ANKS1B: variants seen among roughly 807,000 people sequenced by gnomAD.
ANKS1B encodes ankyrin repeat and sterile alpha motif domain-containing protein 1B.
Under a neutral mutation model 148.3 loss-of-function variants are expected in ANKS1B, and 36 were observed. The observed-to-expected ratio is 0.24, with a 90% confidence interval of 0.19 to 0.32. The LOEUF (loss-of-function observed/expected upper bound fraction) is 0.32, where lower values mean the gene tolerates loss of function less well. Ranked by LOEUF, ANKS1B falls within the 10% of genes least tolerant of loss-of-function variation. The pLI, the probability that ANKS1B is intolerant of heterozygous loss-of-function variation, is 1.00. For missense variants in ANKS1B, 1,157 were observed against 1,542.6 expected (o/e 0.75, Z 4.19); for synonymous variants, 542 against 560.8 (o/e 0.97, Z 0.47).
At position 98,848,743 on chromosome 12, in the gene ANKS1B, G is replaced by GTTT. The variant is rs10695483; in HGVS notation, c.2779-16610_2779-16608dup. 1.5e-4 allele frequency among the ~76,000 whole-genome samples: 7 copies of GTTT among 48,090 alleles called. 3 individuals are homozygous for GTTT. The highest frequency in any genetic ancestry group is 1.8e-4 in the African/African-American group (2 of 11,206). 31.5% of individuals were successfully genotyped at this position (48,090 alleles called of 152,430 possible). A position where few individuals can be genotyped will look rare whatever the true frequency, so the allele number is the denominator to read the frequency against. On this transcript the variant is annotated intron_variant, in intron 17 of 26. Coordinates refer to ENST00000683438, the MANE Select transcript of ANKS1B (RefSeq NM_001352186.2). ...CTGGATTAATTTCTGTGTATGTGTGGTTTTTTTTTTTTTGAGACGGAGTCT... is the reference window on the plus strand; with the variant it reads ...CTGGATTAATTTCTGTGTATGTGTGGTTTTTTTTTTTTTTTTGAGACGGAGTCT...
At chr12:99,745,085 T>A (rs2060475173) in intron 8 of ANKS1B, among the ~76,000 whole-genome samples, 1 of 149,924 alleles carries the variant, frequency 6.7e-6, no homozygotes, top group African/African-American at 2.5e-5. Flanking sequence ...ATTAAGGGGA[T>A]CCTGATGAAA....
chr12:99,149,214 A>G (rs2074164131), intron 15 of ANKS1B, among the ~76,000 whole-genome samples: 1 of 152,136 alleles, frequency 6.6e-6, no homozygotes, highest in Non-Finnish European at 1.5e-5. Flanking sequence ...TTCATTATAG[A>G]AAAGTTATGT....
chr12:99,182,039 G>A (rs1377400811), intron 14 of ANKS1B, among the ~76,000 whole-genome samples: 1 of 152,076 alleles, frequency 6.6e-6, no homozygotes, highest in East Asian at 1.9e-4. Context: ...ATGAGACTGA[G>A]TAATTTATAA....
chr12:98,830,060 C>G lies in ANKS1B; in HGVS notation c.2887-707G>C, dbSNP rs561476602. ...GTCCTATACTTTTGCATGGAAATCT[C>G]TGTCTTTGATCTTTTTTTGTTCCCC... On this transcript the variant is annotated intron_variant, in intron 18 of 26. Transcript: ENST00000683438. Among the ~76,000 whole-genome samples the G allele has an allele frequency of 1.2e-3, 186 of 152,178 alleles. 1 individual carries two copies. Among genetic ancestry groups the G allele is most frequent in the African/African-American group, 4.2e-3 (173 of 41,520 alleles).
At chr12:99,695,532 C>T (rs1599876981) in intron 8 of ANKS1B, among the ~76,000 whole-genome samples, 2 of 152,202 alleles carry the variant, frequency 1.3e-5, no homozygotes, top group African/African-American at 4.8e-5. Flanking sequence ...ATTGCTATCA[C>T]TGTCTTATGC....
intron 7 of ANKS1B, among the ~76,000 whole-genome samples, chr12:99,773,852 G>A (rs995717026): frequency 6.6e-6 from 1 of 152,082 alleles, no homozygotes; most frequent in Non-Finnish European, 1.5e-5. Flanking sequence ...GTACCATACT[G>A]TTTTGATTAC....
At chr12:99,050,307 A>G (rs1156306646) in intron 17 of ANKS1B, among the ~76,000 whole-genome samples, 1 of 152,146 alleles carries the variant, frequency 6.6e-6, no homozygotes, top group Admixed American at 6.5e-5. Flanking sequence ...GAACTACCCA[A>G]TTCTATTGGG....
At chr12:98,931,914 T>C (rs1451620726) in intron 17 of ANKS1B, among the ~76,000 whole-genome samples, 1 of 152,176 alleles carries the variant, frequency 6.6e-6, no homozygotes, top group Non-Finnish European at 1.5e-5. Context: ...GAGCCTTCTC[T>C]GGATTACTGG....
At chr12:99,073,982 G>A (rs776434559) in intron 16 of ANKS1B, among the ~76,000 whole-genome samples, 1 of 152,188 alleles carries the variant, frequency 6.6e-6, no homozygotes, top group Non-Finnish European at 1.5e-5. Flanking sequence ...CCTGTGAAAT[G>A]ACTCCAGTGA....
chr12:99,626,889 C>T (rs2098116586), intron 9 of ANKS1B, among the ~76,000 whole-genome samples: 1 of 152,154 alleles, frequency 6.6e-6, no homozygotes, highest in Admixed American at 6.6e-5. Context: ...AAATAAAGAA[C>T]AAGGTTGGTG....
chr12:99,913,161 C>T (rs1244086984), intron 1 of ANKS1B, among the ~76,000 whole-genome samples: 1 of 152,200 alleles, frequency 6.6e-6, no homozygotes, highest in Admixed American at 6.5e-5. Context: ...CCTTCCCTAG[C>T]TTGCCTTGCC....
intron 8 of ANKS1B, among the ~76,000 whole-genome samples, chr12:99,678,101 G>A (rs76179068): frequency 1.2e-3 from 189 of 152,266 alleles, no homozygotes; most frequent in African/African-American, 3.9e-3. Context: ...TGTACCTTAC[G>A]AGAGACAACC....
chr12:99,121,909 C>T (rs1027070767), intron 15 of ANKS1B, among the ~76,000 whole-genome samples: 15 of 152,176 alleles, frequency 9.9e-5, no homozygotes, highest in African/African-American at 2.7e-4. Flanking sequence ...CCTTGGAGTT[C>T]TTAAAACCAT....
chr12:99,154,519 A>G, intron 14 of ANKS1B, 124 bp from the exon 15 acceptor site: 1 of 1,602,396 alleles, frequency 6.2e-7, no homozygotes, highest in Admixed American at 1.7e-5. Context: ...CTATCAAAGG[A>G]GCCCGCCAGC....
intron 12 of ANKS1B, among the ~76,000 whole-genome samples, chr12:99,297,386 G>A (rs1416801372): frequency 6.6e-6 from 1 of 152,014 alleles, no homozygotes; most frequent in African/African-American, 2.4e-5. Context: ...AAAACCTAAG[G>A]CTGTTTCAAA....
chr12:99,233,869 G>T (rs189199823), intron 14 of ANKS1B, among the ~76,000 whole-genome samples: 1 of 152,226 alleles, frequency 6.6e-6, no homozygotes, highest in East Asian at 1.9e-4. Context: ...ATAAAGATGA[G>T]AGACCTCCAA....
chr12:99,213,598 G>T (rs1041000686), intron 14 of ANKS1B, among the ~76,000 whole-genome samples: 4 of 152,188 alleles, frequency 2.6e-5, no homozygotes, highest in Non-Finnish European at 4.4e-5. Context: ...TATGGAGAGC[G>T]GGAAAGGAGC....
chr12:98,736,223 A>G (rs1441095687), intron 9 of ANKS1B, among the ~76,000 whole-genome samples: 1 of 152,212 alleles, frequency 6.6e-6, no homozygotes, highest in Non-Finnish European at 1.5e-5. Flanking sequence ...TGAAAGGGGA[A>G]CCAGTGAGAA....
At chr12:99,312,714 C>T (rs1368844551) in intron 12 of ANKS1B, among the ~76,000 whole-genome samples, 2 of 151,992 alleles carry the variant, frequency 1.3e-5, no homozygotes, top group Admixed American at 1.3e-4. Context: ...ATTTATGACC[C>T]TCTATATAAG....
Sources: allele counts gnomAD v4.1 joint callset (sites outside exome capture counted in the v4.1 genomes callset), GRCh38; gene constraint gnomAD v4.1.1; transcripts MANE v1.5; gene names NCBI Gene and HGNC (gene_info 2026-07-23, HGNC 2026-07-21).